Variants in SAMTOR observed in about 807,000 individuals in gnomAD.
SAMTOR encodes S-adenosylmethionine sensor upstream of mTORC1.
chr7:112,899,013 A>C, the SAMTOR span, among the ~76,000 whole-genome samples: 9 of 152,198 alleles, frequency 5.9e-5, no homozygotes, highest in Non-Finnish European at 1.0e-4. Flanking sequence ...ATAAATATCT[A>C]ACTCTTCTAT....
the SAMTOR span, among the ~76,000 whole-genome samples, chr7:112,922,747 C>T: frequency 6.6e-6 from 1 of 151,138 alleles, no homozygotes; most frequent in South Asian, 2.1e-4. Flanking sequence ...AAGTGAGGAG[C>T]CCCTCCACCT....
the SAMTOR span, among the ~76,000 whole-genome samples, chr7:112,829,118 T>C: frequency 6.6e-6 from 1 of 152,152 alleles, no homozygotes; most frequent in African/African-American, 2.4e-5. Context: ...CCAATTATGC[T>C]TATATTTAGT....
At chr7:112,870,861 TA>T in the SAMTOR span, among the ~76,000 whole-genome samples, 11 of 148,842 alleles carry the variant, frequency 7.4e-5, no homozygotes, top group East Asian at 5.9e-4. Flanking sequence ...AAATGGAATA[TA>T]AAAAAAAACA....
At chr7:112,910,905 C>T in the SAMTOR span, among the ~76,000 whole-genome samples, 8 of 152,110 alleles carry the variant, frequency 5.3e-5, no homozygotes, top group South Asian at 2.1e-4. Flanking sequence ...TAAAAAACAA[C>T]GTATTAAAAA....
the SAMTOR span, among the ~76,000 whole-genome samples, chr7:112,932,616 CTAAGT>C: frequency 3.5e-4 from 54 of 152,224 alleles, no homozygotes; most frequent in African/African-American, 1.3e-3. Flanking sequence ...ACTCAAGAAA[CTAAGT>C]TTAGTAGATA....
chr7:112,908,579 A>G, the SAMTOR span, among the ~76,000 whole-genome samples: 2 of 152,210 alleles, frequency 1.3e-5, no homozygotes, highest in South Asian at 4.1e-4. Flanking sequence ...TACCAAATAC[A>G]GTAATTCTCA....
the SAMTOR span, among the ~76,000 whole-genome samples, chr7:112,934,888 C>A: frequency 6.6e-6 from 1 of 152,182 alleles, no homozygotes; most frequent in Non-Finnish European, 1.5e-5. Flanking sequence ...CTAATAATAA[C>A]AAAATCAAAT....
the SAMTOR span, among the ~76,000 whole-genome samples, chr7:112,847,060 G>T: frequency 7.9e-5 from 12 of 152,086 alleles, no homozygotes; most frequent in African/African-American, 2.9e-4. Context: ...CATTCTATAA[G>T]AACTACTTTC....
chr7:112,888,714 C>T, the SAMTOR span, among the ~76,000 whole-genome samples: 2 of 152,092 alleles, frequency 1.3e-5, no homozygotes, highest in East Asian at 1.9e-4. Context: ...TGGAGATAAG[C>T]CTTAGAAAAA....
the SAMTOR span, chr7:112,822,220 AAAG>A: frequency 6.2e-7 from 1 of 1,613,734 alleles, no homozygotes; most frequent in Non-Finnish European, 8.5e-7. Flanking sequence ...GGAAAATAAG[AAAG>A]AAGGAGAGAG....
chr7:112,843,749 T>C, the SAMTOR span, among the ~76,000 whole-genome samples: 1 of 151,988 alleles, frequency 6.6e-6, no homozygotes, highest in Non-Finnish European at 1.5e-5. Flanking sequence ...ACTGAAACTA[T>C]TCCAAAAGAC....
chr7:112,850,938 C>T, the SAMTOR span, among the ~76,000 whole-genome samples: 14 of 152,094 alleles, frequency 9.2e-5, no homozygotes, highest in East Asian at 3.9e-4. Flanking sequence ...AATGATCTGA[C>T]GGAGAACCAA....
the SAMTOR span, among the ~76,000 whole-genome samples, chr7:112,906,220 T>C: frequency 6.6e-6 from 1 of 152,214 alleles, no homozygotes. Context: ...ACTACACATC[T>C]ACAGCATGTT....
At chr7:112,822,488 A>AT in the SAMTOR span, 1 of 905,860 alleles carries the variant, frequency 1.1e-6, no homozygotes, top group Admixed American at 3.1e-5. Flanking sequence ...TTGATTATAC[A>AT]TTTTTCCTTT....
At chr7:112,891,188 C>G in the SAMTOR span, among the ~76,000 whole-genome samples, 1 of 152,058 alleles carries the variant, frequency 6.6e-6, no homozygotes, top group Non-Finnish European at 1.5e-5. Context: ...CTGGCCAACA[C>G]TTAAAATATT....
At chr7:112,909,300 A>G in the SAMTOR span, among the ~76,000 whole-genome samples, 2 of 152,180 alleles carry the variant, frequency 1.3e-5, no homozygotes, top group Non-Finnish European at 2.9e-5. Flanking sequence ...ATGAACAGGG[A>G]AAGACCCCAT....
At chr7:112,922,225 C>T in the SAMTOR span, among the ~76,000 whole-genome samples, 8 of 152,332 alleles carry the variant, frequency 5.3e-5, no homozygotes, top group East Asian at 3.9e-4. Flanking sequence ...CCCGAGGTGC[C>T]GGGATTGCAG....
At chr7:112,910,637 T>C in the SAMTOR span, among the ~76,000 whole-genome samples, 1 of 152,152 alleles carries the variant, frequency 6.6e-6, no homozygotes, top group East Asian at 1.9e-4. Flanking sequence ...GTATCTCTAA[T>C]GGCGGTACAC....
chr7:112,911,174 C>A, the SAMTOR span, among the ~76,000 whole-genome samples: 1 of 152,142 alleles, frequency 6.6e-6, no homozygotes, highest in Non-Finnish European at 1.5e-5. Context: ...TCTCCCCATT[C>A]TCCTCCTGAT....
Sources: gnomAD v4.1 joint callset for allele counts (sites outside exome capture counted in the v4.1 genomes callset) on GRCh38, gnomAD v4.1.1 for gene constraint, MANE v1.5 for transcripts, NCBI Gene and HGNC (gene_info 2026-07-23, HGNC 2026-07-21) for gene names.